BDH1: variants seen among roughly 807,000 people sequenced by gnomAD.
BDH1 encodes 3-hydroxybutyrate dehydrogenase 1, also known as D-beta-hydroxybutyrate dehydrogenase, mitochondrial.
BDH1 carries 30 observed loss-of-function variants against 33.1 expected under a neutral mutation model. The observed-to-expected ratio is 0.91, with a 90% CI of 0.68 to 1.23. BDH1 has a LOEUF of 1.23. Ranked by LOEUF, BDH1 falls within the 50% of genes most tolerant of loss-of-function variation. BDH1 has a pLI of 0.00. For missense variants in BDH1, 443 were observed against 464.4 expected, an observed-to-expected ratio of 0.95 and a Z score of 0.42; for synonymous variants, 190 against 183.6, an observed-to-expected ratio of 1.03 and a Z score of -0.28.
At chr3:197,570,087 T>C (rs1393659809) in intron 1 of BDH1, among the ~76,000 whole-genome samples, 14 of 152,192 alleles carry the variant, frequency 9.2e-5, no homozygotes, top group Non-Finnish European at 1.9e-4. Flanking sequence ...ACTTGGGAAC[T>C]GGAGTAAAGG....
chr3:197,534,045 G>A (rs545603510), intron 3 of BDH1: 10 of 154,598 alleles, frequency 6.5e-5, no homozygotes. Flanking sequence ...TGAAATAATT[G>A]TAGATTCACA....
At position 197,531,380 on chromosome 3, in the gene BDH1, A is replaced by G. The variant is rs928811520; in HGVS notation, c.267+1032T>C. ...CCACTGCACTCCAGCCTGGGAGACAAAGTAAGACTCTGTCTCAAAAACATA... is the reference window on the plus strand; with the variant it reads ...CCACTGCACTCCAGCCTGGGAGACAGAGTAAGACTCTGTCTCAAAAACATA... On this transcript the variant is annotated intron_variant, in intron 5 of 7. Transcript: ENST00000392379. Among the ~76,000 whole-genome samples, 18 of 150,460 alleles carry G rather than the reference A, an allele frequency of 1.2e-4. No individual in the cohort carries two copies. In the South Asian group the frequency reaches 1.9e-3, roughly 16 times the overall value.
intron 3 of BDH1, among the ~76,000 whole-genome samples, chr3:197,535,643 C>T (rs1715088031): frequency 6.6e-6 from 1 of 152,194 alleles, no homozygotes; most frequent in Non-Finnish European, 1.5e-5. Context: ...CTCTTAACCC[C>T]TAAATAAAGT....
chr3:197,524,886 G>A (rs1431878540), intron 5 of BDH1, among the ~76,000 whole-genome samples: 1 of 152,164 alleles, frequency 6.6e-6, no homozygotes, highest in Non-Finnish European at 1.5e-5. Flanking sequence ...GGTTTTCCAT[G>A]GAAAGGAAGC....
chr3:197,561,590 C>G (rs1175049594), intron 1 of BDH1, among the ~76,000 whole-genome samples: 1 of 152,172 alleles, frequency 6.6e-6, no homozygotes, highest in East Asian at 1.9e-4. Context: ...GTCTGAATTT[C>G]TCCTTTACCA....
chr3:197,533,556 G>A lies in BDH1; in HGVS notation c.89C>T (p.Pro30Leu), dbSNP rs757110876. 8 of 1,614,214 alleles carry A rather than the reference G, an allele frequency of 5.0e-6. No individual in the cohort carries two copies. The South Asian group carries it at 5.5e-5, about 11-fold the overall frequency. ...ACDRENGARRPLLLGSTSFIP... is the reference protein window; with the variant it reads ...ACDRENGARRLLLLGSTSFIP... ...AAAGGAAGTAGAACCAAGCAATAGT[G>A]GGCGTCTGCAAGAGAAAAGGAAGCC... is the stretch of plus-strand genomic sequence containing the variant. The change falls in exon 4 of 8, where the codon CCA (proline) becomes CTA (leucine). Residue 30 changes from proline (P) to leucine (L), a missense_variant. Physicochemically the swap from Pro to Leu is moderately conservative, Grantham distance 98. Transcript: ENST00000392379.
chr3:197,536,365 T>C (rs769164883), intron 3 of BDH1, among the ~76,000 whole-genome samples: 1 of 152,240 alleles, frequency 6.6e-6, no homozygotes, highest in Non-Finnish European at 1.5e-5. Flanking sequence ...AGTAATCTTG[T>C]CTTCATCTAT....
intron 3 of BDH1, among the ~76,000 whole-genome samples, chr3:197,542,587 G>T (rs1380413790): frequency 7.2e-6 from 1 of 138,028 alleles, no homozygotes; most frequent in African/African-American, 2.8e-5. Flanking sequence ...GCAATGGCAC[G>T]ATCTCGGCTC....
chr3:197,567,322 G>A (rs546290539), intron 1 of BDH1, among the ~76,000 whole-genome samples: 3 of 152,162 alleles, frequency 2.0e-5, no homozygotes, highest in Non-Finnish European at 4.4e-5. Flanking sequence ...GTCAAGCTGG[G>A]AACTGCTTAG....
intron 1 of BDH1, among the ~76,000 whole-genome samples, chr3:197,564,559 G>T (rs750024172): frequency 6.6e-6 from 1 of 151,968 alleles, no homozygotes; most frequent in Non-Finnish European, 1.5e-5. Flanking sequence ...CTTTAGTCTC[G>T]GTAGAAAATG....
rs1041204004 is a variant in BDH1 at position 197,520,680 on chromosome 3, C to T, written c.409+1960G>A. 8.5e-5 allele frequency among the ~76,000 whole-genome samples: 13 copies of T among 152,244 alleles called. No individual in the cohort carries two copies. Among genetic ancestry groups the T allele is most frequent in the South Asian group, 8.3e-4 (4 of 4,826 alleles). On this transcript the variant is annotated intron_variant, in intron 6 of 7. Transcript: ENST00000392379. This position sits in a 1 kb window ranked among gnomAD's most constrained non-coding sequence, Gnocchi z 6.0. ...CTATAATCAAGTGGCTTTATGGTGC[C>T]GATGCAGCTGTTTTCCTGCCCAGTA...
intron 6 of BDH1, among the ~76,000 whole-genome samples, chr3:197,515,156 T>C (rs1712561910): frequency 1.3e-5 from 2 of 152,204 alleles, no homozygotes; most frequent in African/African-American, 2.4e-5. Context: ...AATGACAGAG[T>C]AATTGGTCTC....
intron 2 of BDH1, 121 bp from the exon 3 acceptor site, chr3:197,546,607 G>T: frequency 1.6e-6 from 1 of 628,384 alleles, no homozygotes; most frequent in Non-Finnish European, 2.8e-6. Context: ...CCCAGCTCCA[G>T]TCCTGGTACC....
Position 197,514,235 on chromosome 3 carries a change from G to C in BDH1, c.562+29C>G. 6.3e-7 allele frequency: 1 copy of C among 1,598,148 alleles called. No individual in the cohort carries two copies. The highest frequency in any genetic ancestry group is 8.5e-7 in the Non-Finnish European group (1 of 1,170,004). ...GATGAACACGTGGGGCAGGTTCAGGGGCAGGAGGGAGCTCCCTTTCCCACT... is the reference window on the plus strand; with the variant it reads ...GATGAACACGTGGGGCAGGTTCAGGCGCAGGAGGGAGCTCCCTTTCCCACT... On this transcript the variant is annotated intron_variant, in intron 7 of 7. Coordinates refer to ENST00000392379, the MANE Select transcript of BDH1 (RefSeq NM_203314.3). This position sits in a 1 kb window ranked among gnomAD's most constrained non-coding sequence, Gnocchi z 4.2.
chr3:197,511,755 TAGTTAGTGTTAAAACC>T lies in BDH1; in HGVS notation c.*124_*139del. 1 of 806,408 alleles carries T rather than the reference TAGTTAGTGTTAAAACC, an allele frequency of 1.2e-6. No individual in the cohort carries two copies. The highest frequency in any genetic ancestry group is 1.9e-6 in the Non-Finnish European group (1 of 523,894). 50.0% of individuals were successfully genotyped at this position (806,408 alleles called of 1,614,324 possible). ...CACTATGCAAAGAAGTCATTCCCTC[TAGTTAGTGTTAAAACC>T]AGTTATGGGTCTTCCTGGCATGGTG... On this transcript the variant is annotated 3_prime_UTR_variant, in exon 8 of 8. Transcript: ENST00000392379.
chr3:197,526,650 C>T lies in BDH1; in HGVS notation c.268-3869G>A, dbSNP rs1403789112. Among the ~76,000 whole-genome samples the T allele has an allele frequency of 1.3e-5, 2 of 152,190 alleles. No homozygotes were observed. Among genetic ancestry groups the T allele is most frequent in the African/African-American group, 4.8e-5 (2 of 41,456 alleles). On this transcript the variant is annotated intron_variant, in intron 5 of 7. Coordinates refer to ENST00000392379, the MANE Select transcript of BDH1 (RefSeq NM_203314.3). This position sits in a 1 kb window ranked among gnomAD's most constrained non-coding sequence, Gnocchi z 4.7. ...CCAGCCAGCTCACTGGATGGTTACCCTTAAGGTGACTCCAAGCAGCTCTCT... is the reference window on the plus strand; with the variant it reads ...CCAGCCAGCTCACTGGATGGTTACCTTTAAGGTGACTCCAAGCAGCTCTCT...
At chr3:197,573,026 CCT>C (rs1308394910) in intron 1 of BDH1, among the ~76,000 whole-genome samples, 1 of 152,158 alleles carries the variant, frequency 6.6e-6, no homozygotes, top group Non-Finnish European at 1.5e-5. Flanking sequence ...AAAGCTGCTG[CCT>C]CTCTGTTTTG....
At chr3:197,553,527 C>CAAAA (rs750811753) in intron 2 of BDH1, among the ~76,000 whole-genome samples, 2 of 97,076 alleles carry the variant, frequency 2.1e-5, no homozygotes, top group Non-Finnish European at 4.2e-5. Context: ...GACTCTGTCT[C>CAAAA]AAAAAAAAAA....
At chr3:197,571,507 G>T (rs1717605723) in intron 1 of BDH1, among the ~76,000 whole-genome samples, 1 of 152,100 alleles carries the variant, frequency 6.6e-6, no homozygotes, top group African/African-American at 2.4e-5. Context: ...TTGTTGAGGT[G>T]GTTCCCCCCG....
Sources: allele counts gnomAD v4.1 joint callset (sites outside exome capture counted in the v4.1 genomes callset), GRCh38; gene constraint gnomAD v4.1.1; non-coding constraint Gnocchi (gnomAD v3.1); transcripts MANE v1.5; gene names NCBI Gene and HGNC (gene_info 2026-07-23, HGNC 2026-07-21).